C11orf65: variants seen among roughly 807,000 people sequenced by gnomAD.
The protein encoded by C11orf65 is protein MFI.
In C11orf65, 38 loss-of-function variants were observed where a neutral mutation model predicts 35.3. That is an observed-to-expected ratio of 1.08 (90% CI 0.83 to 1.41). The LOEUF (loss-of-function observed/expected upper bound fraction) is 1.41, where lower values mean the gene tolerates loss of function less well. Ranked by LOEUF, C11orf65 falls within the 40% of genes most tolerant of loss-of-function variation. The pLI is 0.00. For synonymous variants in C11orf65, 105 were observed against 114.4 expected, an observed-to-expected ratio of 0.92 and a Z score of 0.53; for missense variants, 370 against 367.1, an observed-to-expected ratio of 1.01 and a Z score of -0.06.
chr11:108,394,163 G>A lies in C11orf65; in HGVS notation c.561-785C>T, dbSNP rs867375806. ...AAACTGCACTCCAGCCTGGGCGACA[G>A]AGCAAGACTCCATCTCAAAAAAAAA... On this transcript the variant is annotated intron_variant, in intron 6 of 8. Coordinates refer to ENST00000393084, the MANE Select transcript of C11orf65 (RefSeq NM_152587.5). Among the ~76,000 whole-genome samples the A allele has an allele frequency of 3.6e-4, 45 of 126,360 alleles. No homozygotes were observed. In the Middle Eastern group the frequency reaches 0.023, roughly 65 times the overall value. 82.9% of individuals were successfully genotyped at this position (126,360 alleles called of 152,430 possible).
chr11:108,344,249 G>T (rs977460726), intron 2 of C11orf65, among the ~76,000 whole-genome samples: 1 of 152,168 alleles, frequency 6.6e-6, no homozygotes, highest in Non-Finnish European at 1.5e-5. Flanking sequence ...TGCCTGGGGT[G>T]GGGAGAATAG....
At chr11:108,383,241 C>T in intron 8 of C11orf65, 66 bp from the exon 9 acceptor site, 1 of 1,332,716 alleles carries the variant, frequency 7.5e-7, no homozygotes, top group Non-Finnish European at 1.0e-6. Flanking sequence ...CAAAATGCTA[C>T]TGTGTTGTGG....
intron 2 of C11orf65, chr11:108,367,243 T>A (rs2091378489): frequency 5.6e-6 from 1 of 179,354 alleles, no homozygotes. Flanking sequence ...CTCCTCGGCC[T>A]CCCAAAGTGC....
rs893089567 is a variant in C11orf65, at chr11:108,430,122, G to A, written c.174+1624C>T. 1.6e-4 allele frequency among the ~76,000 whole-genome samples: 23 copies of A among 142,136 alleles called. 1 individual carries two copies. The highest frequency in any genetic ancestry group is 5.4e-4 in the African/African-American group (21 of 38,670). The allele number at this position is 142,136 out of a possible 152,430, so 93.2% of individuals were successfully genotyped here. A position where few individuals can be genotyped will look rare whatever the true frequency, so the allele number is the denominator to read the frequency against. On this transcript the variant is annotated intron_variant, in intron 3 of 8. Transcript: ENST00000393084. Reference sequence around the variant, plus strand: ...TAAATGTGTTTAGTACTACTGAACTGTATTCTTTTTTTTTTTTTTTTTTTG... The same window carrying A: ...TAAATGTGTTTAGTACTACTGAACTATATTCTTTTTTTTTTTTTTTTTTTG...
chr11:108,444,824 C>T (rs1047673983), intron 2 of C11orf65, among the ~76,000 whole-genome samples: 7 of 152,154 alleles, frequency 4.6e-5, no homozygotes, highest in Non-Finnish European at 7.3e-5. Flanking sequence ...ACTCCGGCAG[C>T]GCAAGGGGTC....
At chr11:108,407,774 T>C (rs1469321557) in intron 3 of C11orf65, among the ~76,000 whole-genome samples, 1 of 150,206 alleles carries the variant, frequency 6.7e-6, no homozygotes, top group Non-Finnish European at 1.5e-5. Context: ...CTACTAAAAA[T>C]ACAAAAAATT....
intron 6 of C11orf65, among the ~76,000 whole-genome samples, chr11:108,399,153 A>C (rs1342917478): frequency 6.6e-6 from 1 of 152,148 alleles, no homozygotes; most frequent in Non-Finnish European, 1.5e-5. Flanking sequence ...TGCCGGGGGA[A>C]AAAATGACAT....
intron 3 of C11orf65, among the ~76,000 whole-genome samples, chr11:108,408,729 AAAATG>A (rs10592263): frequency 0.49 from 53,100 of 109,446 alleles, 17,786 homozygotes; most frequent in Admixed American, 0.59. Flanking sequence ...AAAATAAAAT[AAAATG>A]ATATAAGAAT....
chr11:108,440,401 T>C (rs1359390977), intron 2 of C11orf65, among the ~76,000 whole-genome samples: 2 of 152,210 alleles, frequency 1.3e-5, no homozygotes, highest in African/African-American at 2.4e-5. Context: ...CGGGGATGAC[T>C]TGAACAGTAG....
intron 2 of C11orf65, among the ~76,000 whole-genome samples, chr11:108,444,888 T>C (rs999770012): frequency 2.6e-5 from 4 of 152,070 alleles, no homozygotes; most frequent in African/African-American, 9.7e-5. Flanking sequence ...ACCTGGAAAA[T>C]CCAGTCACTT....
intron 6 of C11orf65, chr11:108,326,091 T>G (rs1291249685): frequency 6.2e-7 from 1 of 1,614,148 alleles, no homozygotes; most frequent in Non-Finnish European, 8.5e-7. Flanking sequence ...AATTAAACAG[T>G]ACAATTCAGT....
downstream of C11orf65, chr11:108,330,227 G>C (rs876659556): frequency 6.2e-7 from 1 of 1,614,112 alleles, no homozygotes; most frequent in Non-Finnish European, 8.5e-7. Context: ...CACAGTAAAG[G>C]TTCAGCGAGA....
chr11:108,465,004 G>A (rs1292713986), intron 1 of C11orf65, among the ~76,000 whole-genome samples: 1 of 152,088 alleles, frequency 6.6e-6, no homozygotes, highest in Non-Finnish European at 1.5e-5. Flanking sequence ...TTAGATATTA[G>A]GATTAAAATG....
chr11:108,357,226 G>A (rs958663268), intron 2 of C11orf65, among the ~76,000 whole-genome samples: 2 of 151,642 alleles, frequency 1.3e-5, no homozygotes, highest in Non-Finnish European at 2.9e-5. Flanking sequence ...CGAATATTGC[G>A]CTTTTTGGAC....
intron 2 of C11orf65, chr11:108,354,767 T>G: frequency 6.7e-7 from 1 of 1,502,400 alleles, no homozygotes; most frequent in Non-Finnish European, 9.3e-7. Context: ...GTTGACAACA[T>G]TGGTGTGTAA....
At chr11:108,465,917 G>T (rs541220431) in intron 1 of C11orf65, among the ~76,000 whole-genome samples, 17 of 151,496 alleles carry the variant, frequency 1.1e-4, no homozygotes, top group Non-Finnish European at 2.1e-4. Flanking sequence ...CCTGGCAGGC[G>T]GAGGTTGCGG....
downstream of C11orf65, among the ~76,000 whole-genome samples, chr11:108,379,662 C>T (rs190092611): frequency 2.0e-5 from 3 of 151,382 alleles, no homozygotes; most frequent in Admixed American, 2.0e-4. Context: ...AAGGAAAATC[C>T]ATAGCTCCTG....
rs2092972086 is a variant in C11orf65, at chr11:108,430,527, T to TA, written c.174+1218dup. ...AAGTAAATTGAGAAAAAAGTAGTTT[T>TA]AAAAAAATACAAAGAACTGATTTTT... On this transcript the variant is annotated intron_variant, in intron 3 of 8. Transcript: ENST00000393084. Among the ~76,000 whole-genome samples the TA allele has an allele frequency of 2.0e-5, 3 of 151,894 alleles. No individual in the cohort carries two copies. In the South Asian group the frequency reaches 6.3e-4, roughly 32 times the overall value.
chr11:108,331,177 G>T, downstream of C11orf65: 1 of 1,132,552 alleles, frequency 8.8e-7, no homozygotes. Context: ...TAGATTTTTT[G>T]GAATATAAAC....
Sources: allele counts gnomAD v4.1 joint callset (sites outside exome capture counted in the v4.1 genomes callset), GRCh38; gene constraint gnomAD v4.1.1; transcripts MANE v1.5; gene names NCBI Gene and HGNC (gene_info 2026-07-23, HGNC 2026-07-21).